SOX30: variants seen among roughly 807,000 people sequenced by gnomAD.
SOX30 encodes transcription factor SOX-30.
SOX30 carries 17 observed loss-of-function variants against 58.6 expected under a neutral mutation model. The ratio of observed to expected loss-of-function variants is 0.29; its 90% CI spans 0.20 to 0.44. SOX30 has a LOEUF of 0.44. Ranked by LOEUF, SOX30 falls within the 20% of genes least tolerant of loss-of-function variation. SOX30 has a pLI of 1.00. For synonymous variants in SOX30, 421 were observed against 400.2 expected (o/e 1.05, Z -0.62); for missense variants, 951 against 965.8 (o/e 0.98, Z 0.20).
chr5:157,670,979 A>T (rs1170996646), intron 1 of SOX30, among the ~76,000 whole-genome samples: 2 of 152,174 alleles, frequency 1.3e-5, no homozygotes, highest in African/African-American at 2.4e-5. Flanking sequence ...TGGGCCAGGT[A>T]GGTTTCCCGG....
At chr5:157,650,291 G>C (rs1029144098) in intron 1 of SOX30, among the ~76,000 whole-genome samples, 2 of 151,864 alleles carry the variant, frequency 1.3e-5, no homozygotes, top group African/African-American at 4.8e-5. Context: ...AAAAGCAACA[G>C]GGTGGAGTGG....
At chr5:157,648,150 G>T (rs1759241007) in intron 2 of SOX30, among the ~76,000 whole-genome samples, 1 of 152,132 alleles carries the variant, frequency 6.6e-6, no homozygotes. Flanking sequence ...TGTTCCCACT[G>T]CTAGGGAGAA....
At chr5:157,636,256 T>A (rs1009139011) in intron 4 of SOX30, among the ~76,000 whole-genome samples, 1 of 152,262 alleles carries the variant, frequency 6.6e-6, no homozygotes. Flanking sequence ...ATTAATTATG[T>A]AGCAGATACA....
rs549246125 is a variant in SOX30, at chr5:157,652,369, G to T, written c.-291C>A. ...CGCACTTGTTGCACATTTTCGTTCTGACTCTCTTGTGGAGTTCTCTTACAG... is the reference window on the plus strand; with the variant it reads ...CGCACTTGTTGCACATTTTCGTTCTTACTCTCTTGTGGAGTTCTCTTACAG... On this transcript the variant is annotated 5_prime_UTR_variant, in exon 1 of 5. Coordinates refer to ENST00000265007, the MANE Select transcript of SOX30 (RefSeq NM_178424.2). 126 of 1,151,904 alleles carry T rather than the reference G, an allele frequency of 1.1e-4. 1 individual carries two copies. In the African/African-American group the frequency reaches 1.8e-3, roughly 16 times the overall value. The allele number at this position is 1,151,904 out of a possible 1,614,324, so 71.4% of individuals were successfully genotyped here.
intron 2 of SOX30, 65 bp downstream of exon 2, chr5:157,648,592 T>A: frequency 6.7e-7 from 1 of 1,484,638 alleles, no homozygotes; most frequent in Non-Finnish European, 9.2e-7. Context: ...AATCTCAACC[T>A]ACCCTAATCT....
Position 157,651,181 on chromosome 5 carries a change from A to T in SOX30, c.898T>A (p.Ser300Thr), listed in dbSNP as rs760540410. ...PLTPVPTKMQSLLEPSVKIET... is the reference protein window; with the variant it reads ...PLTPVPTKMQTLLEPSVKIET... ...ATTTTTACAGAAGGCTCCAGTAGGG[A>T]CTGCATTTTAGTAGGCACTGGTGTC... The change falls in exon 1 of 5, where the codon TCC becomes ACC. Residue 300 changes from serine to threonine, a missense_variant. Coordinates refer to ENST00000265007, the MANE Select transcript of SOX30 (RefSeq NM_178424.2). The T allele has an allele frequency of 6.2e-7, 1 of 1,608,768 alleles. No homozygotes were observed. The highest frequency in any genetic ancestry group is 8.5e-7 in the Non-Finnish European group (1 of 1,177,556).
intron 2 of SOX30, among the ~76,000 whole-genome samples, chr5:157,660,013 G>A (rs1759549176): frequency 6.6e-6 from 1 of 152,214 alleles, no homozygotes; most frequent in Non-Finnish European, 1.5e-5. Flanking sequence ...GAAAGTCGCT[G>A]TTTCTATGTT....
chr5:157,635,674 T>G (rs999196057), intron 4 of SOX30, among the ~76,000 whole-genome samples: 4 of 152,140 alleles, frequency 2.6e-5, no homozygotes, highest in African/African-American at 9.7e-5. Flanking sequence ...GAGCTTCCTT[T>G]TAAAATGTTC....
chr5:157,636,040 G>A (rs1164635619), intron 4 of SOX30, among the ~76,000 whole-genome samples: 1 of 152,158 alleles, frequency 6.6e-6, no homozygotes, highest in Non-Finnish European at 1.5e-5. Context: ...TGAAAAAGTA[G>A]GGGAATATTA....
intron 3 of SOX30, among the ~76,000 whole-genome samples, chr5:157,644,481 C>A (rs1043608594): frequency 1.3e-5 from 2 of 152,144 alleles, no homozygotes; most frequent in Non-Finnish European, 2.9e-5. Flanking sequence ...TAGAAGAAAT[C>A]TTCCAGTTTC....
chr5:157,647,855 G>A (rs1759233385), intron 2 of SOX30, among the ~76,000 whole-genome samples: 1 of 152,030 alleles, frequency 6.6e-6, no homozygotes, highest in African/African-American at 2.4e-5. Context: ...CACCGCGCCT[G>A]GCTGATCAGT....
At chr5:157,636,236 A>G (rs1433627628) in intron 4 of SOX30, among the ~76,000 whole-genome samples, 1 of 152,234 alleles carries the variant, frequency 6.6e-6, no homozygotes, top group Non-Finnish European at 1.5e-5. Flanking sequence ...AGCATTTCCC[A>G]TATTACAAAA....
intron 1 of SOX30, among the ~76,000 whole-genome samples, chr5:157,670,351 C>A (rs548168492): frequency 2.0e-5 from 3 of 152,226 alleles, no homozygotes; most frequent in Admixed American, 6.5e-5. Context: ...ATTAAATAGG[C>A]AATTACAGGC....
At position 157,651,288 on chromosome 5, in the gene SOX30, A is replaced by G; in HGVS notation, c.791T>C (p.Leu264Pro). ...CCGGGCCCCAGGGGGGACCGTGTGG[A>G]GCGTCAAAGGGATCCTAAGGTCTTG... ...HQQDLRIPLT[L>P]HTVPPGARIQ... Residue 264 changes from leucine (L) to proline (P), a missense_variant, in exon 1 of 5, where the codon CTC becomes CCC. Physicochemically the swap from Leu to Pro is moderately conservative, Grantham distance 98. Transcript: ENST00000265007. 1 of 1,614,096 alleles carries G rather than the reference A, an allele frequency of 6.2e-7. No individual in the cohort carries two copies.
intron 3 of SOX30, among the ~76,000 whole-genome samples, chr5:157,641,080 C>G (rs1759049548): frequency 6.6e-6 from 1 of 152,132 alleles, no homozygotes; most frequent in South Asian, 2.1e-4. Context: ...ACGCCAGTAA[C>G]ATAAGCACTT....
Position 157,626,281 on chromosome 5 carries a change from C to T in SOX30, c.*59G>A. ...TTCTAGGCTTTTTTTTTTCTCATAC[C>T]AACTGACCCAGAATATATTTTAAGA... On this transcript the variant is annotated 3_prime_UTR_variant, in exon 5 of 5. Transcript: ENST00000265007. The T allele has an allele frequency of 7.2e-7, 1 of 1,396,968 alleles. No individual in the cohort carries two copies. The highest frequency in any genetic ancestry group is 1.6e-5 in the South Asian group (1 of 63,536). 86.5% of individuals were successfully genotyped at this position (1,396,968 alleles called of 1,614,324 possible).
At chr5:157,665,821 A>G (rs1759659833) in intron 2 of SOX30, among the ~76,000 whole-genome samples, 1 of 151,324 alleles carries the variant, frequency 6.6e-6, no homozygotes, top group African/African-American at 2.4e-5. Context: ...AAAGAGATGG[A>G]GGAACTTCAC....
At chr5:157,654,159 T>C (rs1169992365), upstream of SOX30, among the ~76,000 whole-genome samples, 1 of 147,126 alleles carries the variant, frequency 6.8e-6, no homozygotes, top group Non-Finnish European at 1.5e-5. Context: ...AGCAAGACCC[T>C]GTCTCAAAAA....
chr5:157,647,603 G>C (rs1759225488), intron 2 of SOX30, among the ~76,000 whole-genome samples: 1 of 152,064 alleles, frequency 6.6e-6, no homozygotes, highest in African/African-American at 2.4e-5. Context: ...CGCCCAGGCT[G>C]GAGTGCAGTG....
Sources: allele counts gnomAD v4.1 joint callset (sites outside exome capture counted in the v4.1 genomes callset), GRCh38; gene constraint gnomAD v4.1.1; transcripts MANE v1.5; gene names NCBI Gene and HGNC (gene_info 2026-07-23, HGNC 2026-07-21).